Variants in MAD1L1 observed in about 807,000 individuals in gnomAD.
MAD1L1 encodes mitotic spindle assembly checkpoint protein MAD1.
In MAD1L1, 95 loss-of-function variants were observed where a neutral mutation model predicts 96.9. That is an observed-to-expected ratio of 0.98 (90% CI 0.83 to 1.16). The LOEUF (loss-of-function observed/expected upper bound fraction) is 1.16, where lower values mean the gene tolerates loss of function less well. Among genes scored for constraint, MAD1L1 ranks in the 50% most tolerant of loss-of-function variants. The pLI is 0.00. For missense variants in MAD1L1, 1,007 were observed against 954.4 expected, an observed-to-expected ratio of 1.06 and a Z score of -0.73; for synonymous variants, 473 against 396.6, an observed-to-expected ratio of 1.19 and a Z score of -2.29.
chr7:1,878,638 T>C (rs1020195411), intron 18 of MAD1L1, among the ~76,000 whole-genome samples: 1 of 151,522 alleles, frequency 6.6e-6, no homozygotes. Context: ...CTCAGCCTGA[T>C]AAATGGTATC....
intron 11 of MAD1L1, among the ~76,000 whole-genome samples, chr7:2,122,145 C>A (rs575775173): frequency 2.0e-5 from 3 of 152,242 alleles, no homozygotes; most frequent in Non-Finnish European, 4.4e-5. Context: ...GAAAAGCCAT[C>A]ACCAAGAGAG....
At chr7:2,044,490 C>T (rs140608522) in intron 12 of MAD1L1, among the ~76,000 whole-genome samples, 20 of 152,344 alleles carry the variant, frequency 1.3e-4, no homozygotes, top group Non-Finnish European at 2.5e-4. Context: ...GCTTTAGAAA[C>T]AGCAGCAGTG....
At position 1,936,733 on chromosome 7, in the gene MAD1L1, G is replaced by T; in HGVS notation, c.1761C>A (p.Asp587Glu). ...AMERGGTVPA[D>E]LEAAAASLPS... ...GCAGACTCGCGGCGGCAGCCTCAAG[G>T]TCGGCTGGGACGGTGCCTCCTCTCT... The change falls in exon 17 of 19, where the codon GAC becomes GAA. Residue 587 changes from aspartate to glutamate, a missense_variant. Asp to Glu is a conservative substitution (Grantham distance 45). Coordinates refer to ENST00000265854, the MANE Select transcript of MAD1L1 (RefSeq NM_001013836.2). 2 of 1,563,602 alleles carry T rather than the reference G, an allele frequency of 1.3e-6. No homozygotes were observed. Among genetic ancestry groups the T allele is most frequent in the East Asian group, 4.8e-5 (2 of 42,068 alleles).
At chr7:1,818,805 G>A (rs533665311) in intron 18 of MAD1L1, among the ~76,000 whole-genome samples, 1 of 151,460 alleles carries the variant, frequency 6.6e-6, no homozygotes, top group Non-Finnish European at 1.5e-5. Context: ...CCTCTCTGCC[G>A]GCCTCAGGCG....
chr7:2,108,379 G>C (rs916001675), intron 11 of MAD1L1, among the ~76,000 whole-genome samples: 22 of 152,232 alleles, frequency 1.4e-4, no homozygotes, highest in African/African-American at 5.3e-4. Flanking sequence ...GGAGGACAGA[G>C]AGGAAGATGA....
chr7:2,019,868 G>A (rs551895860), intron 12 of MAD1L1, among the ~76,000 whole-genome samples: 79 of 151,512 alleles, frequency 5.2e-4, no homozygotes, highest in African/African-American at 1.7e-3. Flanking sequence ...TCTGTCCCTC[G>A]CTTCTCTTTC....
intron 14 of MAD1L1, among the ~76,000 whole-genome samples, chr7:1,995,177 G>A (rs1266409638): frequency 2.0e-5 from 3 of 152,248 alleles, no homozygotes; most frequent in African/African-American, 7.2e-5. Context: ...GACACCTGCT[G>A]TGGCCAGCAC....
At chr7:2,188,658 T>C (rs1250660387) in intron 10 of MAD1L1, among the ~76,000 whole-genome samples, 2 of 152,168 alleles carry the variant, frequency 1.3e-5, no homozygotes, top group Non-Finnish European at 2.9e-5. Context: ...AGTTGGGCCC[T>C]TAAACCATAC....
chr7:1,816,140 C>T lies in MAD1L1; in HGVS notation c.2087G>A (p.Arg696His), dbSNP rs200917713. Residue 696 changes from arginine (R) to histidine (H), a missense_variant, in exon 19 of 19, where the codon CGC becomes CAC. Transcript: ENST00000265854. ...VGELIEVHLRRQDSIPAFLSS... is the reference protein window; with the variant it reads ...VGELIEVHLRHQDSIPAFLSS... ...GAGGAAGGCAGGGATGCTGTCCTGG[C>T]GCCGCAGGTGCACCTCGATGAGCTC... is the stretch of plus-strand genomic sequence containing the variant. The T allele has an allele frequency of 7.1e-4, 1,150 of 1,613,080 alleles. 1 individual carries two copies. The highest frequency in any genetic ancestry group is 8.5e-4 in the Non-Finnish European group (1,007 of 1,179,874).
At position 1,907,950 on chromosome 7, in the gene MAD1L1, G is replaced by T. The variant is rs562322054; in HGVS notation, c.1808-9560C>A. Among the ~76,000 whole-genome samples, 9 of 152,352 alleles carry T rather than the reference G, an allele frequency of 5.9e-5. No individual in the cohort carries two copies. In the East Asian group the frequency reaches 1.7e-3, roughly 29 times the overall value. On this transcript the variant is annotated intron_variant, in intron 17 of 18. Transcript: ENST00000265854. ...GTGACCGCCCTGGCCCCTGCAGTGT[G>T]CGGCCCCCTCAGGAGACAGCGGCCC...
intron 18 of MAD1L1, among the ~76,000 whole-genome samples, chr7:1,820,769 G>A (rs762355541): frequency 3.3e-5 from 5 of 151,852 alleles, no homozygotes; most frequent in Admixed American, 6.6e-5. Flanking sequence ...GACCAGCAAC[G>A]ATAAATTGAT....
chr7:2,215,850 C>T (rs1000602278), intron 9 of MAD1L1, 35 bp downstream of exon 9: 8 of 1,593,226 alleles, frequency 5.0e-6, no homozygotes, highest in Non-Finnish European at 6.9e-6. Flanking sequence ...GGGCAGAGGA[C>T]ACCCACAGGA....
At chr7:2,024,435 G>C (rs1782913464) in intron 12 of MAD1L1, among the ~76,000 whole-genome samples, 1 of 152,202 alleles carries the variant, frequency 6.6e-6, no homozygotes, top group Non-Finnish European at 1.5e-5. Flanking sequence ...TCCCCTGTGG[G>C]CTTGAGCATT....
chr7:2,144,300 C>G (rs566367311), intron 11 of MAD1L1, among the ~76,000 whole-genome samples: 2 of 152,376 alleles, frequency 1.3e-5, no homozygotes, highest in East Asian at 1.9e-4. Context: ...GAGACAAACA[C>G]TGACTGCTCT....
chr7:2,231,719 G>A (rs1794198889), intron 1 of MAD1L1, among the ~76,000 whole-genome samples: 1 of 152,126 alleles, frequency 6.6e-6, no homozygotes, highest in Non-Finnish European at 1.5e-5. Context: ...CATTTTCATT[G>A]TTTATTTCTA....
chr7:1,953,035 C>G (rs944429639), intron 16 of MAD1L1, among the ~76,000 whole-genome samples: 1 of 152,160 alleles, frequency 6.6e-6, no homozygotes, highest in Non-Finnish European at 1.5e-5. Flanking sequence ...CGGCCCTCTC[C>G]CAGGGCAGCT....
intron 11 of MAD1L1, among the ~76,000 whole-genome samples, chr7:2,082,754 T>G (rs1485646896): frequency 6.6e-6 from 1 of 152,254 alleles, no homozygotes; most frequent in African/African-American, 2.4e-5. Flanking sequence ...GCTCTGAAGC[T>G]GAGGCTCTAG....
At chr7:2,227,232 G>C (rs1793948876) in intron 3 of MAD1L1, among the ~76,000 whole-genome samples, 1 of 152,094 alleles carries the variant, frequency 6.6e-6, no homozygotes, top group African/African-American at 2.4e-5. Context: ...GGAGACGGAG[G>C]CTGCAGTGAG....
intron 3 of MAD1L1, among the ~76,000 whole-genome samples, chr7:2,228,762 A>G (rs1338168670): frequency 1.3e-5 from 2 of 150,056 alleles, no homozygotes; most frequent in Admixed American, 6.6e-5. Context: ...TTTTTTTGAG[A>G]CAGGGTCTCA....
Sources: gnomAD v4.1 joint callset for allele counts (sites outside exome capture counted in the v4.1 genomes callset) on GRCh38, gnomAD v4.1.1 for gene constraint, MANE v1.5 for transcripts, NCBI Gene and HGNC (gene_info 2026-07-23, HGNC 2026-07-21) for gene names.